The following SLC35D4 variants were observed in gnomAD, a reference collection of about 807,000 sequenced individuals.
SLC35D4 encodes the protein solute carrier family 35 member D4.
the SLC35D4 span, among the ~76,000 whole-genome samples, chr18:23,370,648 C>T: frequency 6.6e-6 from 1 of 152,168 alleles, no homozygotes; most frequent in South Asian, 2.1e-4. Flanking sequence ...CACCGTTTTT[C>T]CCCCAGGACT....
At chr18:23,364,925 A>G in the SLC35D4 span, among the ~76,000 whole-genome samples, 9 of 1,526 alleles carry the variant, frequency 5.9e-3, 2 homozygotes, top group South Asian at 0.17. Flanking sequence ...AAAAAAAAAA[A>G]AAAAAAAAGG....
the SLC35D4 span, chr18:23,399,485 T>A: frequency 2.4e-6 from 3 of 1,246,058 alleles, no homozygotes; most frequent in East Asian, 7.0e-5. Context: ...TCTTTGCCCT[T>A]ATTGAGCTGA....
chr18:23,386,978 C>T, the SLC35D4 span, among the ~76,000 whole-genome samples: 1 of 152,190 alleles, frequency 6.6e-6, no homozygotes, highest in Non-Finnish European at 1.5e-5. Context: ...GGTGCCATCT[C>T]GGCTCACTGC....
chr18:23,326,518 T>C, the SLC35D4 span, among the ~76,000 whole-genome samples: 1 of 152,190 alleles, frequency 6.6e-6, no homozygotes. Context: ...TAAATATATA[T>C]GCACCCAATA....
At chr18:23,355,290 C>G in the SLC35D4 span, among the ~76,000 whole-genome samples, 2 of 152,160 alleles carry the variant, frequency 1.3e-5, no homozygotes, top group Non-Finnish European at 2.9e-5. Context: ...ATTGTCACCC[C>G]ACAAAGCCAA....
the SLC35D4 span, among the ~76,000 whole-genome samples, chr18:23,315,855 A>T: frequency 3.9e-5 from 6 of 152,218 alleles, no homozygotes; most frequent in Non-Finnish European, 8.8e-5. Flanking sequence ...AGAATAAGGA[A>T]GCTCACTCAG....
At chr18:23,417,323 G>A in the SLC35D4 span, among the ~76,000 whole-genome samples, 7 of 151,936 alleles carry the variant, frequency 4.6e-5, no homozygotes, top group Non-Finnish European at 1.0e-4. Flanking sequence ...AGTACATGTA[G>A]ACATTGTTCA....
chr18:23,355,747 C>A, the SLC35D4 span, among the ~76,000 whole-genome samples: 2 of 152,148 alleles, frequency 1.3e-5, no homozygotes, highest in Non-Finnish European at 2.9e-5. Flanking sequence ...AGCAATTCTT[C>A]ACGATCTATT....
the SLC35D4 span, among the ~76,000 whole-genome samples, chr18:23,376,099 A>G: frequency 3.3e-5 from 5 of 152,262 alleles, no homozygotes; most frequent in Non-Finnish European, 5.9e-5. Flanking sequence ...AGGCGTGAAC[A>G]AAAGCACCGA....
the SLC35D4 span, among the ~76,000 whole-genome samples, chr18:23,271,890 G>A: frequency 6.6e-6 from 1 of 152,154 alleles, no homozygotes; most frequent in Non-Finnish European, 1.5e-5. Flanking sequence ...GGAAGGTTTT[G>A]CACTCAGAGT....
At chr18:23,286,478 GCT>G in the SLC35D4 span, among the ~76,000 whole-genome samples, 1 of 152,066 alleles carries the variant, frequency 6.6e-6, no homozygotes, top group African/African-American at 2.4e-5. Context: ...CTGGCCCAAG[GCT>G]CTCTGACTGA....
At chr18:23,390,093 CTTTTATAT>C in the SLC35D4 span, among the ~76,000 whole-genome samples, 2 of 152,168 alleles carry the variant, frequency 1.3e-5, no homozygotes, top group Non-Finnish European at 2.9e-5. Flanking sequence ...CACTGTACCA[CTTTTATAT>C]ATTTAAACTT....
At chr18:23,386,561 G>A in the SLC35D4 span, among the ~76,000 whole-genome samples, 2 of 151,996 alleles carry the variant, frequency 1.3e-5, no homozygotes, top group Non-Finnish European at 2.9e-5. Flanking sequence ...CCAAGTATGT[G>A]GTAATTTATT....
the SLC35D4 span, among the ~76,000 whole-genome samples, chr18:23,266,513 G>A: frequency 7.2e-5 from 11 of 152,032 alleles, no homozygotes; most frequent in African/African-American, 2.2e-4. Flanking sequence ...ATTCCATTCC[G>A]TTCTTGTCCC....
chr18:23,282,000 C>T, the SLC35D4 span, among the ~76,000 whole-genome samples: 1,797 of 152,340 alleles, frequency 0.012, 18 homozygotes, highest in Middle Eastern at 0.017. Context: ...ACCCTGGTTC[C>T]ATCTCCCACT....
chr18:23,278,889 C>A, the SLC35D4 span, among the ~76,000 whole-genome samples: 1 of 151,634 alleles, frequency 6.6e-6, no homozygotes, highest in Admixed American at 6.6e-5. Context: ...TGGGGCTCAC[C>A]TGTGGTAACA....
chr18:23,379,227 G>A, the SLC35D4 span, among the ~76,000 whole-genome samples: 2 of 151,664 alleles, frequency 1.3e-5, no homozygotes, highest in Non-Finnish European at 2.9e-5. Flanking sequence ...GGGTTCAAGC[G>A]ATTCTCCTGT....
the SLC35D4 span, among the ~76,000 whole-genome samples, chr18:23,302,268 C>A: frequency 6.6e-6 from 1 of 152,174 alleles, no homozygotes; most frequent in Non-Finnish European, 1.5e-5. Flanking sequence ...AGCTCTCATT[C>A]GATGAGCAAG....
chr18:23,239,990 C>T, the SLC35D4 span, among the ~76,000 whole-genome samples: 10 of 152,240 alleles, frequency 6.6e-5, no homozygotes, highest in South Asian at 2.1e-4. Context: ...TGGTGTTGCG[C>T]GCCTGTAGTC....
Sources: gnomAD v4.1 joint callset for allele counts (sites outside exome capture counted in the v4.1 genomes callset) on GRCh38, gnomAD v4.1.1 for gene constraint, MANE v1.5 for transcripts, NCBI Gene and HGNC (gene_info 2026-07-23, HGNC 2026-07-21) for gene names.